The following GAP43 variants were observed in gnomAD, a reference collection of about 807,000 sequenced individuals.
GAP43 encodes the protein growth associated protein 43, also known as neuromodulin.
Under a neutral mutation model 18.6 loss-of-function variants are expected in GAP43, and 6 were observed. The ratio of observed to expected loss-of-function variants is 0.32; its 90% CI spans 0.18 to 0.64. GAP43 has a LOEUF of 0.64. Ranked by LOEUF, GAP43 falls within the 30% of genes least tolerant of loss-of-function variation. The probability of loss-of-function intolerance (pLI) is 0.78; values close to 1 mark genes in which losing one functional copy is unlikely to be tolerated. For missense variants in GAP43, 292 were observed against 295.5 expected (o/e 0.99, Z 0.09); for synonymous variants, 115 against 111.4 (o/e 1.03, Z -0.20).
At chr3:115,683,568 G>T (rs538280947) in intron 2 of GAP43, among the ~76,000 whole-genome samples, 3 of 151,122 alleles carry the variant, frequency 2.0e-5, no homozygotes, top group Admixed American at 6.6e-5. Flanking sequence ...AGCTACAGTG[G>T]CTATAGCCTA....
chr3:115,627,911 C>T (rs1708210852), intron 1 of GAP43, among the ~76,000 whole-genome samples: 1 of 152,076 alleles, frequency 6.6e-6, no homozygotes, highest in Admixed American at 6.6e-5. Context: ...TAGTGGAGGC[C>T]ACTTACTGAC....
chr3:115,676,104 G>C lies in GAP43; in HGVS notation c.122G>C (p.Ser41Thr), dbSNP rs763584753. 6.1e-5 allele frequency: 98 copies of C among 1,614,084 alleles called. No individual in the cohort carries two copies. Among genetic ancestry groups the C allele is most frequent in the Non-Finnish European group, 2.5e-6 (3 of 1,180,052 alleles). Residue 41 changes from serine to threonine, a missense_variant, in exon 2 of 3, where the codon AGC becomes ACC. Ser to Thr is a moderately conservative substitution (Grantham distance 58). Transcript: ENST00000305124. ...AAGGCCGCAACCAAAATTCAGGCTA[G>C]CTTCCGTGGACACATAACAAGGAAA... ...AHKAATKIQA[S>T]FRGHITRKKL...
intron 1 of GAP43, among the ~76,000 whole-genome samples, chr3:115,658,314 C>T (rs1005491359): frequency 6.6e-6 from 1 of 152,144 alleles, no homozygotes; most frequent in Non-Finnish European, 1.5e-5. Flanking sequence ...GCTTCTTACT[C>T]TTGGGCTTAC....
At chr3:115,713,108 T>C (rs924864279) in intron 2 of GAP43, among the ~76,000 whole-genome samples, 1 of 152,146 alleles carries the variant, frequency 6.6e-6, no homozygotes, top group African/African-American at 2.4e-5. Flanking sequence ...ATCTGGTATA[T>C]AGCTAAAGAA....
At chr3:115,704,168 C>T (rs1164691096) in intron 2 of GAP43, among the ~76,000 whole-genome samples, 1 of 152,030 alleles carries the variant, frequency 6.6e-6, no homozygotes. Context: ...TAAAAATTAA[C>T]TCCCAAACTG....
chr3:115,663,287 C>T (rs1708688763), intron 1 of GAP43, among the ~76,000 whole-genome samples: 1 of 152,164 alleles, frequency 6.6e-6, no homozygotes, highest in Non-Finnish European at 1.5e-5. Context: ...ATGTTTAATT[C>T]AGGAACTCAG....
At chr3:115,697,891 T>C (rs1021358298) in intron 2 of GAP43, among the ~76,000 whole-genome samples, 2 of 149,594 alleles carry the variant, frequency 1.3e-5, no homozygotes, top group Non-Finnish European at 3.0e-5. Flanking sequence ...TTTGCTTACA[T>C]ATTGATTATA....
intron 1 of GAP43, among the ~76,000 whole-genome samples, chr3:115,669,609 T>C (rs1708784798): frequency 6.6e-6 from 1 of 152,124 alleles, no homozygotes; most frequent in African/African-American, 2.4e-5. Context: ...GTTATAGATA[T>C]ACAAAATAAA....
chr3:115,669,933 G>A lies in GAP43; in HGVS notation c.31-6080G>A, dbSNP rs547912364. 2.5e-4 allele frequency among the ~76,000 whole-genome samples: 37 copies of A among 149,852 alleles called. No individual in the cohort carries two copies. The South Asian group carries it at 4.3e-3, about 17-fold the overall frequency. ...AACCAGACTGCATGTTGGGGGATCC[G>A]GTGTATGCCCACTGTGCTTATTCAT... On this transcript the variant is annotated intron_variant, in intron 1 of 2. Coordinates refer to ENST00000305124, the MANE Select transcript of GAP43 (RefSeq NM_002045.4).
At chr3:115,655,989 A>G (rs1576984155) in intron 1 of GAP43, among the ~76,000 whole-genome samples, 1 of 152,188 alleles carries the variant, frequency 6.6e-6, no homozygotes, top group East Asian at 1.9e-4. Flanking sequence ...CTTTGACACT[A>G]ATGATCTAAT....
intron 1 of GAP43, among the ~76,000 whole-genome samples, chr3:115,672,793 C>T (rs756777877): frequency 2.3e-4 from 35 of 149,738 alleles, no homozygotes; most frequent in South Asian, 8.5e-4. Context: ...CATTTCCCTG[C>T]GTCTGTTTCT....
At chr3:115,673,151 C>T (rs1240310922) in intron 1 of GAP43, among the ~76,000 whole-genome samples, 1 of 152,086 alleles carries the variant, frequency 6.6e-6, no homozygotes, top group African/African-American at 2.4e-5. Context: ...AAAAGTCATT[C>T]TAACATAGAT....
chr3:115,707,990 TACAC>T (rs3086971), intron 2 of GAP43, among the ~76,000 whole-genome samples: 1,504 of 146,934 alleles, frequency 0.01, 30 homozygotes, highest in African/African-American at 0.035. Flanking sequence ...TATATCGGGA[TACAC>T]ACACACACAC....
At chr3:115,627,340 C>G (rs986728317) in intron 1 of GAP43, among the ~76,000 whole-genome samples, 1 of 150,762 alleles carries the variant, frequency 6.6e-6, no homozygotes, top group African/African-American at 2.4e-5. Context: ...CATGCTGAGG[C>G]AACTGGAATA....
At chr3:115,709,027 C>T (rs1237113017) in intron 2 of GAP43, among the ~76,000 whole-genome samples, 3 of 126,762 alleles carry the variant, frequency 2.4e-5, no homozygotes, top group Admixed American at 8.7e-5. Flanking sequence ...TTTATTTTTA[C>T]TTCACTGAAA....
At chr3:115,663,948 T>G in intron 1 of GAP43, 1 of 1,548,124 alleles carries the variant, frequency 6.5e-7, no homozygotes, top group South Asian at 1.2e-5. Flanking sequence ...CCTATACAAG[T>G]ATTTTAGGTT....
chr3:115,696,069 T>C (rs998407297), intron 2 of GAP43, among the ~76,000 whole-genome samples: 7 of 152,076 alleles, frequency 4.6e-5, no homozygotes, highest in African/African-American at 7.2e-5. Context: ...CTCTCTCTCT[T>C]TTTTTATTTA....
chr3:115,694,790 G>A (rs375988627), intron 2 of GAP43, among the ~76,000 whole-genome samples: 4 of 152,188 alleles, frequency 2.6e-5, no homozygotes, highest in African/African-American at 9.7e-5. Context: ...GCTATCCAGT[G>A]TTAATTGGGG....
chr3:115,636,446 G>A (rs764353698), intron 1 of GAP43, among the ~76,000 whole-genome samples: 1 of 151,978 alleles, frequency 6.6e-6, no homozygotes, highest in Non-Finnish European at 1.5e-5. Flanking sequence ...AACCCTTAAA[G>A]CCCTAAGGCC....
Sources: allele counts gnomAD v4.1 joint callset (sites outside exome capture counted in the v4.1 genomes callset), GRCh38; gene constraint gnomAD v4.1.1; transcripts MANE v1.5; gene names NCBI Gene and HGNC (gene_info 2026-07-23, HGNC 2026-07-21).